The following VSNL1 variants were observed in gnomAD, a reference collection of about 807,000 sequenced individuals.
The protein encoded by VSNL1 is visinin-like protein 1.
A neutral mutation model predicts 20.4 loss-of-function variants in VSNL1; 6 were observed. The observed-to-expected ratio is 0.29, with a 90% CI of 0.16 to 0.58. VSNL1 has a LOEUF of 0.58. Ranked by LOEUF, VSNL1 falls within the 20% of genes least tolerant of loss-of-function variation. The pLI, the probability that VSNL1 is intolerant of heterozygous loss-of-function variation, is 0.90. For synonymous variants in VSNL1, 93 were observed against 86.4 expected (o/e 1.08, Z -0.42); for missense variants, 100 against 234.5 (o/e 0.43, Z 3.75).
intron 1 of VSNL1, among the ~76,000 whole-genome samples, chr2:17,587,378 C>CACAT (rs1664500418): frequency 6.6e-6 from 1 of 151,264 alleles, no homozygotes; most frequent in Non-Finnish European, 1.5e-5. Flanking sequence ...CACACACACA[C>CACAT]ACACACACAC....
chr2:17,588,777 C>T (rs985377250), intron 1 of VSNL1, among the ~76,000 whole-genome samples: 3 of 152,148 alleles, frequency 2.0e-5, no homozygotes, highest in Non-Finnish European at 2.9e-5. Flanking sequence ...ATATTTCTCC[C>T]ATCTGCCAAC....
intron 1 of VSNL1, among the ~76,000 whole-genome samples, chr2:17,554,533 C>T (rs954890280): frequency 2.6e-5 from 4 of 151,984 alleles, no homozygotes; most frequent in Non-Finnish European, 4.4e-5. Context: ...ATTACTTTTT[C>T]TTTCAGAACA....
At chr2:17,622,601 A>AAAGAAAGAAAGG (rs1349807130) in intron 2 of VSNL1, among the ~76,000 whole-genome samples, 46 of 126,726 alleles carry the variant, frequency 3.6e-4, no homozygotes, top group African/African-American at 1.2e-3. Context: ...AGAAAGAAAG[A>AAAGAAAGAAAGG]AAAGAAAGAA....
intron 2 of VSNL1, among the ~76,000 whole-genome samples, chr2:17,597,079 G>A (rs998560158): frequency 1.3e-5 from 2 of 152,164 alleles, no homozygotes; most frequent in African/African-American, 4.8e-5. Context: ...ATTTCAACAG[G>A]AAAATGTGCC....
At chr2:17,596,219 G>A (rs559184782) in intron 2 of VSNL1, among the ~76,000 whole-genome samples, 1 of 152,240 alleles carries the variant, frequency 6.6e-6, no homozygotes, top group Non-Finnish European at 1.5e-5. Flanking sequence ...GAACTCCCTG[G>A]ACACGTAGGG....
chr2:17,577,693 G>A (rs560975245), intron 1 of VSNL1, among the ~76,000 whole-genome samples: 13 of 152,262 alleles, frequency 8.5e-5, no homozygotes, highest in Admixed American at 2.6e-4. Context: ...GCAGGCAACT[G>A]TGAGATAACT....
intron 2 of VSNL1, among the ~76,000 whole-genome samples, chr2:17,628,973 C>T (rs1665573207): frequency 1.3e-5 from 2 of 152,254 alleles, no homozygotes; most frequent in Admixed American, 6.5e-5. Context: ...CTTCAAAACT[C>T]CTCACTCTAG....
At chr2:17,624,882 A>C (rs1424975601) in intron 2 of VSNL1, among the ~76,000 whole-genome samples, 2 of 152,236 alleles carry the variant, frequency 1.3e-5, no homozygotes, top group African/African-American at 2.4e-5. Context: ...TCAAATAATT[A>C]AGATAATTAA....
chr2:17,586,707 C>T (rs146830328), intron 1 of VSNL1, among the ~76,000 whole-genome samples: 13 of 152,306 alleles, frequency 8.5e-5, no homozygotes, highest in African/African-American at 3.1e-4. Flanking sequence ...AGTTTTCTGC[C>T]TGATTCCGTC....
chr2:17,637,993 G>C (rs544441278), intron 2 of VSNL1, among the ~76,000 whole-genome samples: 1 of 152,326 alleles, frequency 6.6e-6, no homozygotes, highest in Admixed American at 6.5e-5. Flanking sequence ...GGGGGTTTTG[G>C]AAGAGGTGCT....
intron 2 of VSNL1, among the ~76,000 whole-genome samples, chr2:17,622,227 A>AAT (rs1665376285): frequency 6.6e-6 from 1 of 151,000 alleles, no homozygotes; most frequent in Non-Finnish European, 1.5e-5. Flanking sequence ...AAAAAAAAAA[A>AAT]ATCAGGCTGG....
intron 2 of VSNL1, among the ~76,000 whole-genome samples, chr2:17,627,370 C>T (rs916640968): frequency 1.3e-5 from 2 of 152,210 alleles, no homozygotes; most frequent in African/African-American, 2.4e-5. Context: ...CCAAGGGGTT[C>T]ACCTTGCCCA....
chr2:17,620,310 G>A (rs1373775646), intron 2 of VSNL1, among the ~76,000 whole-genome samples: 2 of 152,200 alleles, frequency 1.3e-5, no homozygotes, highest in Non-Finnish European at 2.9e-5. Context: ...AAGTAGCATG[G>A]GTAGGATGGC....
At chr2:17,564,348 GTTTCAT>G (rs1295090891) in intron 1 of VSNL1, among the ~76,000 whole-genome samples, 1 of 152,066 alleles carries the variant, frequency 6.6e-6, no homozygotes, top group Non-Finnish European at 1.5e-5. Flanking sequence ...CAAAGATTGT[GTTTCAT>G]TTTTGTAATG....
intron 1 of VSNL1, among the ~76,000 whole-genome samples, chr2:17,547,403 T>A (rs1481978319): frequency 6.6e-6 from 1 of 152,058 alleles, no homozygotes; most frequent in Non-Finnish European, 1.5e-5. Flanking sequence ...GTTGAAGCAA[T>A]CTCCGTTCAT....
At chr2:17,643,752 C>T (rs990981459) in intron 2 of VSNL1, among the ~76,000 whole-genome samples, 3 of 152,172 alleles carry the variant, frequency 2.0e-5, no homozygotes, top group Admixed American at 2.0e-4. Flanking sequence ...CTGACCCAGA[C>T]CAAATCAAGG....
chr2:17,609,345 C>A (rs1665027678), intron 2 of VSNL1, among the ~76,000 whole-genome samples: 1 of 152,174 alleles, frequency 6.6e-6, no homozygotes, highest in African/African-American at 2.4e-5. Flanking sequence ...TGTCCAAGAC[C>A]TAATCTCAGG....
At chr2:17,575,976 T>C (rs1334373832) in intron 1 of VSNL1, among the ~76,000 whole-genome samples, 1 of 152,362 alleles carries the variant, frequency 6.6e-6, no homozygotes, top group Middle Eastern at 3.4e-3. Context: ...TCCATTATTA[T>C]AACTTAAAAA....
intron 1 of VSNL1, among the ~76,000 whole-genome samples, chr2:17,555,457 A>G (rs1271358947): frequency 1.3e-5 from 2 of 152,158 alleles, no homozygotes; most frequent in South Asian, 2.1e-4. Context: ...CATTGCTACT[A>G]CTGCTACCAC....
Sources: allele counts gnomAD v4.1 joint callset (sites outside exome capture counted in the v4.1 genomes callset), GRCh38; gene constraint gnomAD v4.1.1; transcripts MANE v1.5; gene names NCBI Gene and HGNC (gene_info 2026-07-23, HGNC 2026-07-21).